The following SPDL1 variants were observed in gnomAD, a reference collection of about 807,000 sequenced individuals.
The protein encoded by SPDL1 is spindle apparatus coiled-coil protein 1.
A neutral mutation model predicts 79.5 loss-of-function variants in SPDL1; 85 were observed. The observed-to-expected ratio is 1.07, with a 90% CI of 0.90 to 1.28. SPDL1 has a LOEUF of 1.28. Ranked by LOEUF, SPDL1 falls within the 50% of genes most tolerant of loss-of-function variation. The pLI is 0.00. For missense variants in SPDL1, 703 were observed against 697.8 expected, an observed-to-expected ratio of 1.01 and a Z score of -0.08; for synonymous variants, 269 against 240.3, an observed-to-expected ratio of 1.12 and a Z score of -1.10.
In SPDL1 at chr5:169,593,384, G is replaced by T. The variant is rs1036402118; in HGVS notation, c.367G>T (p.Ala123Ser). 6.2e-7 allele frequency: 1 copy of T among 1,607,416 alleles called. No homozygotes were observed. The highest frequency in any genetic ancestry group is 1.7e-5 in the Admixed American group (1 of 58,574). The stretch of plus-strand genomic sequence containing the variant: ...AAAACTGAAAGTGGAATTAGATGAA[G>T]CCAGGCTTAGTGAAAAGCAGCTGAA... ...IEKLKVELDE[A>S]RLSEKQLKHQ... The change falls in exon 4 of 12, where the codon GCC becomes TCC. Residue 123 changes from alanine (A) to serine (S), a missense_variant. Physicochemically the swap from Ala to Ser is moderately conservative, Grantham distance 99. Transcript: ENST00000265295.
intron 1 of SPDL1, chr5:169,587,162 G>A (rs2113318560): frequency 6.6e-6 from 1 of 151,950 alleles, no homozygotes; most frequent in East Asian, 1.9e-4. Context: ...TTAATATTCT[G>A]TTACTTACTG....
chr5:169,603,184 A>G (rs1756024713), intron 11 of SPDL1, among the ~76,000 whole-genome samples: 1 of 152,182 alleles, frequency 6.6e-6, no homozygotes, highest in Non-Finnish European at 1.5e-5. Flanking sequence ...TGTTTAACTT[A>G]GATACACAAT....
Position 169,594,146 on chromosome 5 carries a change from C to T in SPDL1, c.533C>T (p.Thr178Ile), listed in dbSNP as rs747263372. ...TCCTTTTCAATTCCTGTTAAATAGACCACCCTCAAAGAAGAAGTGAATGAA... is the reference window on the plus strand; with the variant it reads ...TCCTTTTCAATTCCTGTTAAATAGATCACCCTCAAAGAAGAAGTGAATGAA... ...IELTEMESMK[T>I]TLKEEVNELQ... The change falls in exon 5 of 12, where the codon ACC becomes ATC. Residue 178 changes from threonine (T) to isoleucine (I), a missense_variant and splice_region_variant. By Grantham distance (89) the Thr-to-Ile change is moderately conservative. Coordinates refer to ENST00000265295, the MANE Select transcript of SPDL1 (RefSeq NM_017785.5). 6.3e-7 allele frequency: 1 copy of T among 1,598,298 alleles called. No homozygotes were observed.
chr5:169,591,328 G>A, intron 3 of SPDL1, 104 bp downstream of exon 3: 1 of 1,172,102 alleles, frequency 8.5e-7, no homozygotes, highest in Non-Finnish European at 1.2e-6. Flanking sequence ...TTGCAAAATA[G>A]CCAAGATCTA....
chr5:169,598,495 A>T lies in SPDL1; in HGVS notation c.1052A>T (p.Glu351Val), dbSNP rs143453400. ...TTTAAGAATTTATATGACAGTATGG[A>T]ATCTAAGCCTTCAGTCGACTCTGGT... is the stretch of plus-strand genomic sequence containing the variant. ...EKFKNLYDSM[E>V]SKPSVDSGTL... is the part of the protein sequence containing the mutation. The change falls in exon 9 of 12, where the codon GAA becomes GTA. Residue 351 changes from glutamate (E) to valine (V), a missense_variant. Transcript: ENST00000265295. The T allele has an allele frequency of 7.2e-3, 11,674 of 1,611,766 alleles. 85 individuals are homozygous for T. The highest frequency in any genetic ancestry group is 0.022 in the South Asian group (2,047 of 90,994).
intron 1 of SPDL1, among the ~76,000 whole-genome samples, chr5:169,586,978 T>G (rs922516426): frequency 6.6e-5 from 10 of 152,176 alleles, no homozygotes; most frequent in African/African-American, 2.4e-4. Flanking sequence ...CTTAGCCAAA[T>G]TTCACTCCCT....
chr5:169,602,183 C>G (rs1755969052), intron 11 of SPDL1, among the ~76,000 whole-genome samples: 1 of 152,092 alleles, frequency 6.6e-6, no homozygotes, highest in African/African-American at 2.4e-5. Context: ...GAGTTTGTGA[C>G]TAAAAGAAAT....
At chr5:169,596,330 A>G (rs995069780) in intron 7 of SPDL1, among the ~76,000 whole-genome samples, 14 of 152,202 alleles carry the variant, frequency 9.2e-5, no homozygotes, top group Non-Finnish European at 1.9e-4. Context: ...ATGTTTCACA[A>G]AAGTACAAAT....
chr5:169,589,761 G>A (rs113184661), intron 2 of SPDL1, among the ~76,000 whole-genome samples: 5,879 of 151,560 alleles, frequency 0.039, 168 homozygotes, highest in Non-Finnish European at 0.057. Flanking sequence ...GAGTGCAGTG[G>A]CGCAATCTTG....
intron 10 of SPDL1, among the ~76,000 whole-genome samples, chr5:169,600,834 C>G (rs1252719624): frequency 6.6e-6 from 1 of 152,040 alleles, no homozygotes; most frequent in Non-Finnish European, 1.5e-5. Context: ...TACACAATAC[C>G]AAGTGAAGTG....
intron 1 of SPDL1, among the ~76,000 whole-genome samples, chr5:169,585,547 A>G (rs184970484): frequency 7.2e-4 from 109 of 152,360 alleles, no homozygotes; most frequent in Non-Finnish European, 9.4e-4. Flanking sequence ...AAGCTCATCA[A>G]GATAATTAGA....
intron 3 of SPDL1, among the ~76,000 whole-genome samples, chr5:169,592,392 A>G (rs933676873): frequency 6.6e-6 from 1 of 151,456 alleles, no homozygotes; most frequent in Non-Finnish European, 1.5e-5. Flanking sequence ...TAATTTTTGT[A>G]TTTTAATAGA....
chr5:169,601,685 G>A, intron 11 of SPDL1, 60 bp downstream of exon 11: 2 of 1,388,662 alleles, frequency 1.4e-6, no homozygotes, highest in South Asian at 2.4e-5. Context: ...CTCTCTCGCT[G>A]CATGAACTGT....
At chr5:169,601,899 A>G in intron 11 of SPDL1, 1 of 490,974 alleles carries the variant, frequency 2.0e-6, no homozygotes, top group Non-Finnish European at 3.7e-6. Context: ...ACATCTCTGA[A>G]TGTTTTATCA....
Position 169,598,991 on chromosome 5 carries a change from A to G in SPDL1, c.1156A>G (p.Lys386Glu). The G allele has an allele frequency of 1.3e-6, 2 of 1,553,604 alleles. No individual in the cohort carries two copies. Among genetic ancestry groups the G allele is most frequent in the South Asian group, 2.4e-5 (2 of 82,132 alleles). The change falls in exon 10 of 12, where the codon AAA becomes GAA. Residue 386 changes from lysine to glutamate, a missense_variant. Coordinates refer to ENST00000265295, the MANE Select transcript of SPDL1 (RefSeq NM_017785.5). ...DNLNKEIEST[K>E]GELSIQRMKA... ...TCATAGCAAAGAAATTGAAAGCACT[A>G]AAGGTGAATTGTCCATACAGCGAAT... is the stretch of plus-strand genomic sequence containing the variant.
At chr5:169,604,011 T>C in intron 11 of SPDL1, 49 bp from the exon 12 acceptor site, 1 of 1,554,694 alleles carries the variant, frequency 6.4e-7, no homozygotes, top group Non-Finnish European at 8.6e-7. Flanking sequence ...GTTTCTTCAA[T>C]CCTTCATAAC....
Position 169,598,138 on chromosome 5 carries a change from T to G in SPDL1, c.1033-338T>G, listed in dbSNP as rs9313464. Among the ~76,000 whole-genome samples the G allele has an allele frequency of 5.7e-3, 867 of 152,304 alleles. 14 individuals carry two copies. Among genetic ancestry groups the G allele is most frequent in the African/African-American group, 0.02 (842 of 41,566 alleles). On this transcript the variant is annotated intron_variant, in intron 8 of 11. Transcript: ENST00000265295. ...TATGGTTTTGTTACAAAGGCCAGAA[T>G]TTAATCCAGCAGGCATTTGTTTTTC...
intron 3 of SPDL1, among the ~76,000 whole-genome samples, chr5:169,592,214 CT>C (rs397884840): frequency 5.2e-3 from 503 of 97,042 alleles, no homozygotes; most frequent in Non-Finnish European, 7.0e-3. Context: ...TTTTTTTTTC[CT>C]TTTTTTTTTT....
At position 169,601,565 on chromosome 5, in the gene SPDL1, G is replaced by A; in HGVS notation, c.1610G>A (p.Gly537Glu). The A allele has an allele frequency of 6.2e-7, 1 of 1,614,172 alleles. No homozygotes were observed. Among genetic ancestry groups the A allele is most frequent in the Middle Eastern group, 1.6e-4 (1 of 6,062 alleles). ...GAAAAGAAATGTGTGAAACTCATAG[G>A]AGTTCCCGCTGACGCTGAGGCCTTA... ...KKEKKCVKLI[G>E]VPADAEALSE... Residue 537 changes from glycine (G) to glutamate (E), a missense_variant, in exon 11 of 12, where the codon GGA (glycine) becomes GAA (glutamate). Coordinates refer to ENST00000265295, the MANE Select transcript of SPDL1 (RefSeq NM_017785.5).
Sources: gnomAD v4.1 joint callset for allele counts (sites outside exome capture counted in the v4.1 genomes callset) on GRCh38, gnomAD v4.1.1 for gene constraint, MANE v1.5 for transcripts, NCBI Gene and HGNC (gene_info 2026-07-23, HGNC 2026-07-21) for gene names.